Variants in ENTREP2 observed in about 807,000 individuals in gnomAD.
ENTREP2 encodes the protein endosomal transmembrane epsin interactor 2.
the ENTREP2 span, among the ~76,000 whole-genome samples, chr15:29,460,711 T>C: frequency 1.3e-5 from 2 of 152,194 alleles, no homozygotes; most frequent in Non-Finnish European, 2.9e-5. Flanking sequence ...CATTAACACA[T>C]TTGAGAAATT....
At chr15:29,321,753 T>G in the ENTREP2 span, among the ~76,000 whole-genome samples, 2 of 151,206 alleles carry the variant, frequency 1.3e-5, no homozygotes, top group African/African-American at 4.9e-5. Context: ...GCAAAAAATG[T>G]TAAAAGTAGT....
the ENTREP2 span, among the ~76,000 whole-genome samples, chr15:29,481,533 A>G: frequency 6.6e-6 from 1 of 152,370 alleles, no homozygotes; most frequent in East Asian, 1.9e-4. Context: ...ATCTGAGATT[A>G]GTGTGAATAC....
the ENTREP2 span, chr15:29,266,673 A>G: frequency 3.9e-5 from 6 of 152,238 alleles, no homozygotes; most frequent in Non-Finnish European, 8.8e-5. Flanking sequence ...ATAAATCATG[A>G]AAGCCCACAA....
chr15:29,287,881 T>C, the ENTREP2 span, among the ~76,000 whole-genome samples: 842 of 152,318 alleles, frequency 5.5e-3, 19 homozygotes, highest in Admixed American at 0.037. Context: ...GACAATCTGG[T>C]ATTAATGCAA....
the ENTREP2 span, among the ~76,000 whole-genome samples, chr15:29,556,770 C>CCGA: frequency 2.8e-5 from 4 of 144,526 alleles, no homozygotes; most frequent in East Asian, 4.2e-4. Flanking sequence ...GTGCCCCCCC[C>CCGA]CCGCCCCACA....
the ENTREP2 span, among the ~76,000 whole-genome samples, chr15:29,181,521 A>C: frequency 1.3e-5 from 2 of 152,306 alleles, no homozygotes; most frequent in East Asian, 3.9e-4. Flanking sequence ...TTAATAAAAG[A>C]AAAGCAAAGT....
At chr15:29,342,910 C>T in the ENTREP2 span, among the ~76,000 whole-genome samples, 1 of 151,566 alleles carries the variant, frequency 6.6e-6, no homozygotes, top group Non-Finnish European at 1.5e-5. Flanking sequence ...AGTTTGCATA[C>T]TTTCTTAGAA....
the ENTREP2 span, among the ~76,000 whole-genome samples, chr15:29,165,840 A>C: frequency 1.3e-5 from 2 of 152,190 alleles, no homozygotes; most frequent in Non-Finnish European, 2.9e-5. Context: ...CATCACCCTA[A>C]TACCAAAACC....
the ENTREP2 span, among the ~76,000 whole-genome samples, chr15:29,534,122 A>G: frequency 6.7e-6 from 1 of 148,356 alleles, no homozygotes; most frequent in African/African-American, 2.5e-5. Context: ...AAAAAAAAAA[A>G]AAAAAAAAAA....
the ENTREP2 span, among the ~76,000 whole-genome samples, chr15:29,425,687 A>G: frequency 5.3e-5 from 8 of 151,892 alleles, no homozygotes; most frequent in Non-Finnish European, 1.2e-4. Flanking sequence ...TATTTTGTTC[A>G]ATTTTTGTTG....
the ENTREP2 span, among the ~76,000 whole-genome samples, chr15:29,596,507 A>C: frequency 5.3e-5 from 8 of 152,170 alleles, no homozygotes; most frequent in African/African-American, 1.9e-4. Flanking sequence ...GTGTGTATGT[A>C]GAGTTCCTGT....
chr15:29,267,970 C>T, the ENTREP2 span: 1 of 152,124 alleles, frequency 6.6e-6, no homozygotes, highest in Non-Finnish European at 1.5e-5. Context: ...GTTTTATAAG[C>T]CTTTTTGAGA....
At chr15:29,213,649 G>GAT in the ENTREP2 span, among the ~76,000 whole-genome samples, 1 of 152,220 alleles carries the variant, frequency 6.6e-6, no homozygotes, top group South Asian at 2.1e-4. Context: ...TGTATCCTGA[G>GAT]ACTTTGCTGA....
the ENTREP2 span, among the ~76,000 whole-genome samples, chr15:29,292,031 C>T: frequency 1.3e-5 from 2 of 152,200 alleles, no homozygotes; most frequent in Non-Finnish European, 2.9e-5. Context: ...ATCTCATGAT[C>T]TGATTTTCTA....
chr15:29,526,834 G>A, the ENTREP2 span, among the ~76,000 whole-genome samples: 5 of 151,732 alleles, frequency 3.3e-5, no homozygotes, highest in South Asian at 1.0e-3. Flanking sequence ...AACACCCCCA[G>A]AGAACCATGT....
the ENTREP2 span, among the ~76,000 whole-genome samples, chr15:29,344,624 G>C: frequency 6.6e-6 from 1 of 152,060 alleles, no homozygotes; most frequent in Non-Finnish European, 1.5e-5. Context: ...TGCCTTAGTT[G>C]ACCCAGCTAC....
the ENTREP2 span, among the ~76,000 whole-genome samples, chr15:29,319,254 T>C: frequency 1.2e-4 from 18 of 152,280 alleles, no homozygotes; most frequent in South Asian, 3.5e-3. Context: ...GTTTTCACAT[T>C]AGAGACCAGT....
chr15:29,628,628 A>G, the ENTREP2 span, among the ~76,000 whole-genome samples: 1 of 152,216 alleles, frequency 6.6e-6, no homozygotes, highest in African/African-American at 2.4e-5. Flanking sequence ...GTACCCAACC[A>G]TAATTGGGGA....
At chr15:29,238,761 C>T in the ENTREP2 span, among the ~76,000 whole-genome samples, 4 of 152,126 alleles carry the variant, frequency 2.6e-5, no homozygotes, top group South Asian at 2.1e-4. Flanking sequence ...GAAGCAGGCA[C>T]GTCTTACATG....
Sources: allele counts gnomAD v4.1 joint callset (sites outside exome capture counted in the v4.1 genomes callset), GRCh38; gene constraint gnomAD v4.1.1; transcripts MANE v1.5; gene names NCBI Gene and HGNC (gene_info 2026-07-23, HGNC 2026-07-21).